The following ASNS variants were observed in gnomAD, a reference collection of about 807,000 sequenced individuals.
ASNS encodes the protein asparagine synthetase [glutamine-hydrolyzing].
A neutral mutation model predicts 62.6 loss-of-function variants in ASNS; 37 were observed. That is an observed-to-expected ratio of 0.59 (90% CI 0.45 to 0.78). ASNS has a LOEUF of 0.78. ASNS is among the 30% of genes least tolerant of loss of function. ASNS has a pLI of 0.00. For missense variants in ASNS, 520 were observed against 682.4 expected, an observed-to-expected ratio of 0.76 and a Z score of 2.65; for synonymous variants, 207 against 237.9, an observed-to-expected ratio of 0.87 and a Z score of 1.19.
chr7:97,897,683 GA>G, the ASNS span, among the ~76,000 whole-genome samples: 1 of 152,060 alleles, frequency 6.6e-6, no homozygotes, highest in Non-Finnish European at 1.5e-5. Context: ...CAGCCATTAT[GA>G]AAAAAAGTAC....
chr7:97,904,317 C>CACACACAG, the ASNS span, among the ~76,000 whole-genome samples: 143 of 146,622 alleles, frequency 9.8e-4, 1 homozygote, highest in Middle Eastern at 3.6e-3. Flanking sequence ...CACACACACA[C>CACACACAG]AGAGAGAGAG....
chr7:97,869,256 C>T (rs1792136089), intron 2 of ASNS, 77 bp from the exon 3 acceptor site: 3 of 1,486,578 alleles, frequency 2.0e-6, no homozygotes, highest in South Asian at 1.3e-5. Flanking sequence ...ATTCCGGAAA[C>T]GTGCATAAAC....
At chr7:97,904,392 T>C in the ASNS span, among the ~76,000 whole-genome samples, 1 of 151,868 alleles carries the variant, frequency 6.6e-6, no homozygotes, top group South Asian at 2.1e-4. Flanking sequence ...CTCCTAAATC[T>C]TGGTAACTTC....
the ASNS span, among the ~76,000 whole-genome samples, chr7:97,920,988 T>A: frequency 4.6e-5 from 7 of 152,208 alleles, no homozygotes; most frequent in African/African-American, 9.6e-5. Context: ...AGCCCTTGCC[T>A]GGAGACCCAT....
In ASNS at chr7:97,853,292, T is replaced by A. The variant is rs1277912739; in HGVS notation, c.1320+13A>T. 3 of 1,613,530 alleles carry A rather than the reference T, an allele frequency of 1.9e-6. No individual in the cohort carries two copies. The highest frequency in any genetic ancestry group is 3.3e-5 in the Admixed American group (2 of 59,936). On this transcript the variant is annotated intron_variant, in intron 11 of 12. Coordinates refer to ENST00000394308, the MANE Select transcript of ASNS (RefSeq NM_001673.5). The stretch of plus-strand genomic sequence containing the variant: ...TGGCAATGGACAGTTTTACCTTGAG[T>A]TGATTTACCTACCTTTGGAATTCTC...
chr7:97,920,374 C>G, the ASNS span, among the ~76,000 whole-genome samples: 1 of 152,056 alleles, frequency 6.6e-6, no homozygotes, highest in African/African-American at 2.4e-5. Context: ...TCCTGCCCCC[C>G]TCCAGAGCTG....
chr7:97,894,809 C>T, the ASNS span, among the ~76,000 whole-genome samples: 1 of 152,174 alleles, frequency 6.6e-6, no homozygotes, highest in Admixed American at 6.5e-5. Flanking sequence ...AAAACAAACA[C>T]CAATTCTTCT....
the ASNS span, among the ~76,000 whole-genome samples, chr7:97,922,703 T>C: frequency 1.1e-4 from 17 of 152,242 alleles, no homozygotes; most frequent in African/African-American, 3.9e-4. Context: ...ATAATTTTTG[T>C]CAATTAAATA....
the ASNS span, chr7:97,898,947 A>G: frequency 2.5e-5 from 25 of 1,012,578 alleles, no homozygotes; most frequent in African/African-American, 3.8e-4. Context: ...AGACCATCAG[A>G]TGCAATTTGG....
chr7:97,923,144 A>G, the ASNS span, among the ~76,000 whole-genome samples: 1 of 152,094 alleles, frequency 6.6e-6, no homozygotes, highest in Non-Finnish European at 1.5e-5. Flanking sequence ...GATTATTTCT[A>G]TAAGTGGTAA....
At chr7:97,902,743 C>T in the ASNS span, among the ~76,000 whole-genome samples, 1 of 151,986 alleles carries the variant, frequency 6.6e-6, no homozygotes, top group Non-Finnish European at 1.5e-5. Flanking sequence ...ACAACAACAA[C>T]AAAAAACTGA....
At position 97,856,928 on chromosome 7, in the gene ASNS, A is replaced by G. The variant is rs572977403; in HGVS notation, c.904-112T>C. ...ATGAATTAACAATGGTGAAAACTAA[A>G]CAAGGGAAAAAAAGAAAAATGACTT... On this transcript the variant is annotated intron_variant, in intron 7 of 12. Transcript: ENST00000394308. 1.2e-5 allele frequency: 14 copies of G among 1,188,838 alleles called. No individual in the cohort carries two copies. In the African/African-American group the frequency reaches 1.5e-4, roughly 13 times the overall value. The allele number at this position is 1,188,838 out of a possible 1,614,324, so 73.6% of individuals were successfully genotyped here.
chr7:97,858,792 G>T, intron 6 of ASNS, 62 bp downstream of exon 6: 1 of 1,437,748 alleles, frequency 7.0e-7, no homozygotes, highest in Non-Finnish European at 9.6e-7. Context: ...CAAAGGGATG[G>T]CTACAAATCA....
the ASNS span, among the ~76,000 whole-genome samples, chr7:97,897,175 C>T: frequency 6.6e-6 from 1 of 152,244 alleles, no homozygotes; most frequent in East Asian, 1.9e-4. Context: ...AAACTAAATA[C>T]CTTCTGCGTA....
At chr7:97,872,624 C>T (rs1337592758), upstream of ASNS, 1 of 152,282 alleles carries the variant, frequency 6.6e-6, no homozygotes, top group African/African-American at 2.4e-5. Context: ...TAAGGATAGC[C>T]TCAGAGCTCC....
the ASNS span, chr7:97,908,392 A>G: frequency 6.6e-6 from 1 of 152,172 alleles, no homozygotes; most frequent in Non-Finnish European, 1.5e-5. Context: ...TCATCTTCAT[A>G]TTAATAGTTG....
chr7:97,926,123 G>T, the ASNS span, among the ~76,000 whole-genome samples: 1 of 143,288 alleles, frequency 7.0e-6, no homozygotes, highest in African/African-American at 2.6e-5. Context: ...CTGGGGTCCC[G>T]ATTTACCTGC....
intron 1 of ASNS, among the ~76,000 whole-genome samples, chr7:97,870,740 T>C (rs1440047200): frequency 1.3e-5 from 2 of 152,320 alleles, no homozygotes; most frequent in South Asian, 4.1e-4. Context: ...GTTAGGAAAG[T>C]GCTTTGAAAA....
intron 10 of ASNS, among the ~76,000 whole-genome samples, chr7:97,853,826 G>A (rs1053954488): frequency 1.3e-4 from 20 of 152,106 alleles, no homozygotes; most frequent in East Asian, 3.9e-4. Context: ...TACAATATGC[G>A]ATATAAACCA....
Sources: gnomAD v4.1 joint callset for allele counts (sites outside exome capture counted in the v4.1 genomes callset) on GRCh38, gnomAD v4.1.1 for gene constraint, MANE v1.5 for transcripts, NCBI Gene and HGNC (gene_info 2026-07-23, HGNC 2026-07-21) for gene names.